Variants in CNTNAP2 observed in about 807,000 individuals in gnomAD.
CNTNAP2 encodes the protein contactin associated protein 2, also known as contactin-associated protein-like 2.
In CNTNAP2, 98 loss-of-function variants were observed where a neutral mutation model predicts 155.2. The ratio of observed to expected loss-of-function variants is 0.63; its 90% CI spans 0.54 to 0.75. The LOEUF (loss-of-function observed/expected upper bound fraction) is 0.75, where lower values mean the gene tolerates loss of function less well. Among genes scored for constraint, CNTNAP2 ranks in the 30% least tolerant of loss-of-function variants. CNTNAP2 has a pLI of 0.00. For synonymous variants in CNTNAP2, 651 were observed against 631.2 expected (o/e 1.03, Z -0.47); for missense variants, 1,727 against 1,688.1 (o/e 1.02, Z -0.40).
chr7:148,031,283 T>C (rs1802471914), intron 15 of CNTNAP2, among the ~76,000 whole-genome samples: 1 of 152,112 alleles, frequency 6.6e-6, no homozygotes, highest in African/African-American at 2.4e-5. Context: ...AGAGTAAGAA[T>C]TTACAATTGC....
chr7:148,118,391 T>C, intron 16 of CNTNAP2, 103 bp downstream of exon 16: 1 of 1,285,030 alleles, frequency 7.8e-7, no homozygotes, highest in Non-Finnish European at 1.1e-6. Context: ...CGTGGAAGGT[T>C]TCCTTTGTTC....
chr7:146,521,977 A>G (rs1270650208), intron 1 of CNTNAP2, among the ~76,000 whole-genome samples: 1 of 152,058 alleles, frequency 6.6e-6, no homozygotes, highest in African/African-American at 2.4e-5. Context: ...CACTGTTTTT[A>G]GTAATAAGAG....
intron 10 of CNTNAP2, among the ~76,000 whole-genome samples, chr7:147,454,568 T>G (rs1431976510): frequency 6.6e-6 from 1 of 152,094 alleles, no homozygotes; most frequent in Non-Finnish European, 1.5e-5. Flanking sequence ...CCCTATAACT[T>G]CAAGGATACA....
chr7:146,582,730 A>G (rs575977894), intron 1 of CNTNAP2, among the ~76,000 whole-genome samples: 1 of 152,230 alleles, frequency 6.6e-6, no homozygotes, highest in East Asian at 1.9e-4. Context: ...TTCTATTTTC[A>G]TAGATTTCAC....
At chr7:146,867,607 A>G (rs180881874) in intron 3 of CNTNAP2, among the ~76,000 whole-genome samples, 1 of 152,244 alleles carries the variant, frequency 6.6e-6, no homozygotes, top group Admixed American at 6.5e-5. Flanking sequence ...GCTGCTTTCC[A>G]CAATGGTTGA....
At chr7:147,740,691 G>A (rs558077644) in intron 13 of CNTNAP2, among the ~76,000 whole-genome samples, 2 of 152,264 alleles carry the variant, frequency 1.3e-5, no homozygotes, top group South Asian at 4.1e-4. Flanking sequence ...ATTGTTTTTG[G>A]AAGTAGCAAA....
intron 21 of CNTNAP2, among the ~76,000 whole-genome samples, chr7:148,332,385 T>C (rs1798043337): frequency 1.3e-5 from 2 of 152,128 alleles, no homozygotes; most frequent in Non-Finnish European, 2.9e-5. Context: ...GCTTTACTCA[T>C]AGTTAGAGGG....
intron 4 of CNTNAP2, among the ~76,000 whole-genome samples, chr7:147,091,154 G>A (rs781712339): frequency 6.6e-6 from 1 of 151,926 alleles, no homozygotes; most frequent in Non-Finnish European, 1.5e-5. Flanking sequence ...TAGATTCCTC[G>A]TCCCCTTCCT....
chr7:146,271,324 AT>A (rs1219551152), intron 1 of CNTNAP2, among the ~76,000 whole-genome samples: 1 of 151,972 alleles, frequency 6.6e-6, no homozygotes, highest in Non-Finnish European at 1.5e-5. Context: ...GGTTTTATGT[AT>A]TTTGTACAGA....
intron 8 of CNTNAP2, among the ~76,000 whole-genome samples, chr7:147,158,062 G>C (rs1801959588): frequency 6.6e-6 from 1 of 151,988 alleles, no homozygotes; most frequent in South Asian, 2.1e-4. Flanking sequence ...AATTTAATAA[G>C]GTGAAGTTTC....
chr7:148,218,254 T>C (rs1795681358), intron 19 of CNTNAP2, among the ~76,000 whole-genome samples: 1 of 152,230 alleles, frequency 6.6e-6, no homozygotes. Context: ...TGATTTATGA[T>C]AGTATACCAG....
chr7:148,344,163 C>T (rs369893998), intron 21 of CNTNAP2, among the ~76,000 whole-genome samples: 6 of 152,172 alleles, frequency 3.9e-5, no homozygotes, highest in Non-Finnish European at 5.9e-5. Flanking sequence ...GATTTTTTCA[C>T]TTACTCCACA....
intron 3 of CNTNAP2, among the ~76,000 whole-genome samples, chr7:146,844,720 G>T (rs10249658): frequency 0.037 from 5,632 of 152,162 alleles, 342 homozygotes; most frequent in African/African-American, 0.13. Context: ...CTATTATTTT[G>T]TAGGATAGGA....
intron 9 of CNTNAP2, among the ~76,000 whole-genome samples, chr7:147,319,376 A>T (rs746335301): frequency 5.3e-5 from 8 of 152,082 alleles, no homozygotes; most frequent in Non-Finnish European, 8.8e-5. Flanking sequence ...CTTATATATA[A>T]GTAATGTTAT....
At chr7:147,525,319 C>A (rs1799299265) in intron 11 of CNTNAP2, among the ~76,000 whole-genome samples, 1 of 151,958 alleles carries the variant, frequency 6.6e-6, no homozygotes, top group African/African-American at 2.4e-5. Context: ...GAGATAGAGA[C>A]AAATATAAGG....
At position 148,365,773 on chromosome 7, in the gene CNTNAP2, C is replaced by T. The variant is rs368319430; in HGVS notation, c.3476-17876C>T. On this transcript the variant is annotated intron_variant, in intron 21 of 23. Coordinates refer to ENST00000361727, the MANE Select transcript of CNTNAP2 (RefSeq NM_014141.6). ...ATACATGTATGTGTATACGTGTATA[C>T]ATGTATGTGTATGCATGTATACATG... Among the ~76,000 whole-genome samples the T allele has an allele frequency of 4.3e-3, 336 of 78,232 alleles. 92 individuals are homozygous for T. The highest frequency in any genetic ancestry group is 0.017 in the African/African-American group (302 of 17,916). The allele number at this position is 78,232 out of a possible 152,430, so 51.3% of individuals were successfully genotyped here. A position where few individuals can be genotyped will look rare whatever the true frequency, so the allele number is the denominator to read the frequency against.
At chr7:147,181,903 G>A (rs995981519) in intron 8 of CNTNAP2, among the ~76,000 whole-genome samples, 2 of 151,908 alleles carry the variant, frequency 1.3e-5, no homozygotes, top group Non-Finnish European at 2.9e-5. Context: ...GAGGTGGGTG[G>A]ATCACTAGGT....
intron 8 of CNTNAP2, among the ~76,000 whole-genome samples, chr7:147,272,152 C>A (rs555550133): frequency 7.2e-4 from 110 of 152,114 alleles, no homozygotes; most frequent in East Asian, 9.7e-4. Flanking sequence ...CTTGGCCTCC[C>A]AAAGTGCTAG....
intron 1 of CNTNAP2, among the ~76,000 whole-genome samples, chr7:146,161,333 G>T (rs1282803481): frequency 1.3e-5 from 2 of 152,120 alleles, no homozygotes; most frequent in Non-Finnish European, 2.9e-5. Context: ...TCAACATATT[G>T]TTGGAAGTTC....
Sources: gnomAD v4.1 joint callset for allele counts (sites outside exome capture counted in the v4.1 genomes callset) on GRCh38, gnomAD v4.1.1 for gene constraint, MANE v1.5 for transcripts, NCBI Gene and HGNC (gene_info 2026-07-23, HGNC 2026-07-21) for gene names.